Variants in RFTN1 observed in about 807,000 individuals in gnomAD.
RFTN1 encodes the protein raftlin.
In RFTN1, 26 loss-of-function variants were observed where a neutral mutation model predicts 46.5. The observed-to-expected ratio is 0.56, with a 90% CI of 0.41 to 0.78. The LOEUF (loss-of-function observed/expected upper bound fraction) is 0.78, where lower values mean the gene tolerates loss of function less well. Ranked by LOEUF, RFTN1 falls within the 30% of genes least tolerant of loss-of-function variation. The pLI, the probability that RFTN1 is intolerant of heterozygous loss-of-function variation, is 0.00. For synonymous variants in RFTN1, 261 were observed against 284.2 expected (o/e 0.92, Z 0.82); for missense variants, 693 against 718.7 (o/e 0.96, Z 0.41).
chr3:16,325,147 G>A (rs1204839198), intron 8 of RFTN1, among the ~76,000 whole-genome samples: 1 of 152,214 alleles, frequency 6.6e-6, no homozygotes, highest in Admixed American at 6.5e-5. Context: ...CCTATTTTGT[G>A]TAGCGGCTAG....
At chr3:16,401,482 T>C (rs2074600643) in intron 4 of RFTN1, among the ~76,000 whole-genome samples, 1 of 152,012 alleles carries the variant, frequency 6.6e-6, no homozygotes. Context: ...TGGCATCCAG[T>C]GGCCAAACCC....
Position 16,410,615 on chromosome 3 carries a change from A to G in RFTN1, c.333-1132T>C, listed in dbSNP as rs1170129073. On this transcript the variant is annotated intron_variant, in intron 3 of 9. Coordinates refer to ENST00000334133, the MANE Select transcript of RFTN1 (RefSeq NM_015150.2). This position sits in a 1 kb window ranked among gnomAD's most constrained non-coding sequence, Gnocchi z 4.6. ...AAGATGCATTAAAGAAAGACTACTGAGCAACTAAAAGAAATTCTGGGAAAA... is the reference window on the plus strand; with the variant it reads ...AAGATGCATTAAAGAAAGACTACTGGGCAACTAAAAGAAATTCTGGGAAAA... Among the ~76,000 whole-genome samples the G allele has an allele frequency of 6.6e-6, 1 of 152,200 alleles. No homozygotes were observed. Among genetic ancestry groups the G allele is most frequent in the Non-Finnish European group, 1.5e-5 (1 of 68,024 alleles).
intron 2 of RFTN1, among the ~76,000 whole-genome samples, chr3:16,461,737 T>C (rs192016771): frequency 2.0e-5 from 3 of 152,348 alleles, no homozygotes; most frequent in Non-Finnish European, 4.4e-5. Context: ...ATTACTTCAA[T>C]TCATTCAGAT....
chr3:16,468,064 A>T lies in RFTN1; in HGVS notation c.145+25661T>A, dbSNP rs1327906438. ...GTCTGCCAGACTCAAAGACTGGAAC[A>T]TTCAGGAAGTGCTTACTCAAAACAT... On this transcript the variant is annotated intron_variant, in intron 2 of 9. Coordinates refer to ENST00000334133, the MANE Select transcript of RFTN1 (RefSeq NM_015150.2). This position sits in a 1 kb window ranked among gnomAD's most constrained non-coding sequence, Gnocchi z 4.4. 6.6e-6 allele frequency among the ~76,000 whole-genome samples: 1 copy of T among 152,184 alleles called. No individual in the cohort carries two copies. Among genetic ancestry groups the T allele is most frequent in the East Asian group, 1.9e-4 (1 of 5,192 alleles).
chr3:16,439,382 TTGTAATAGTTGCCTGA>T, intron 2 of RFTN1, among the ~76,000 whole-genome samples: 1 of 152,336 alleles, frequency 6.6e-6, no homozygotes, highest in African/African-American at 2.4e-5. Flanking sequence ...CTATTTTGTT[TTGTAATAGTTGCCTGA>T]TTTCATTTAC....
At chr3:16,398,756 G>A (rs1007528058) in intron 4 of RFTN1, among the ~76,000 whole-genome samples, 1 of 152,086 alleles carries the variant, frequency 6.6e-6, no homozygotes. Context: ...ACATCCCCTG[G>A]GTGGCTGGAA....
rs1256998347 is a variant in RFTN1 at position 16,459,122 on chromosome 3, G to T, written c.146-25085C>A. Among the ~76,000 whole-genome samples the T allele has an allele frequency of 1.3e-5, 2 of 152,066 alleles. No homozygotes were observed. The highest frequency in any genetic ancestry group is 6.5e-5 in the Admixed American group (1 of 15,274). On this transcript the variant is annotated intron_variant, in intron 2 of 9. Coordinates refer to ENST00000334133, the MANE Select transcript of RFTN1 (RefSeq NM_015150.2). The surrounding 1 kb of genome is among the most constrained non-coding windows in gnomAD (Gnocchi z 4.2). ...AATTTTTTGTATTTTTTGTAGAGAT[G>T]AGGTTTCGCTGTTGCTCAGGCTAGT...
At position 16,493,745 on chromosome 3, in the gene RFTN1, T is replaced by TA. The variant is rs1205150927; in HGVS notation, c.124_125insT (p.Glu42ValfsTer23). On this transcript the variant is annotated frameshift_variant, in exon 2 of 10. Coordinates refer to ENST00000334133, the MANE Select transcript of RFTN1 (RefSeq NM_015150.2). LOFTEE classifies it high-confidence loss of function. ...CTCACCAGCACTCAGAGTCGTGAACTCCAGGAAGCGGTATTCATAGGACAC... is the reference window on the plus strand; with the variant it reads ...CTCACCAGCACTCAGAGTCGTGAACTACCAGGAAGCGGTATTCATAGGACAC... 3 of 1,482,822 alleles carry TA rather than the reference T, an allele frequency of 2.0e-6. No homozygotes were observed. The highest frequency in any genetic ancestry group is 2.7e-6 in the Non-Finnish European group (3 of 1,098,624). 91.9% of individuals were successfully genotyped at this position (1,482,822 alleles called of 1,614,324 possible). A position where few individuals can be genotyped will look rare whatever the true frequency, so the allele number is the denominator to read the frequency against.
intron 2 of RFTN1, among the ~76,000 whole-genome samples, chr3:16,438,238 T>C (rs943674601): frequency 6.6e-6 from 1 of 152,176 alleles, no homozygotes; most frequent in African/African-American, 2.4e-5. Flanking sequence ...TACATTTGTT[T>C]CCTCTTATGC....
At chr3:16,490,830 G>C (rs756619460) in intron 2 of RFTN1, among the ~76,000 whole-genome samples, 1 of 152,118 alleles carries the variant, frequency 6.6e-6, no homozygotes, top group Non-Finnish European at 1.5e-5. Context: ...CATACTTTCC[G>C]AGCATAGGCA....
chr3:16,447,764 C>A lies in RFTN1; in HGVS notation c.146-13727G>T. 6.6e-6 allele frequency among the ~76,000 whole-genome samples: 1 copy of A among 152,176 alleles called. No homozygotes were observed. The highest frequency in any genetic ancestry group is 1.9e-4 in the East Asian group (1 of 5,200). On this transcript the variant is annotated intron_variant, in intron 2 of 9. Coordinates refer to ENST00000334133, the MANE Select transcript of RFTN1 (RefSeq NM_015150.2). This position sits in a 1 kb window ranked among gnomAD's most constrained non-coding sequence, Gnocchi z 5.9. ...ATTACACCCAGAAGAAAAATACGAT[C>A]TATCCACCGTTGGCACAAGAAGGGA...
chr3:16,497,279 C>T (rs536497804), intron 1 of RFTN1, among the ~76,000 whole-genome samples: 1 of 152,162 alleles, frequency 6.6e-6, no homozygotes, highest in South Asian at 2.1e-4. Flanking sequence ...CCAACAATAA[C>T]GTGAGGATGG....
chr3:16,339,711 T>C (rs1357371267), intron 7 of RFTN1: 3 of 152,252 alleles, frequency 2.0e-5, no homozygotes, highest in Admixed American at 1.3e-4. Flanking sequence ...TTTCCACATA[T>C]TGATCATGAC....
At chr3:16,363,341 G>A (rs545296611) in intron 6 of RFTN1, among the ~76,000 whole-genome samples, 1 of 152,320 alleles carries the variant, frequency 6.6e-6, no homozygotes, top group East Asian at 1.9e-4. Flanking sequence ...TCCGTCTATG[G>A]AAAACATTCC....
At chr3:16,439,941 G>A (rs543860093) in intron 2 of RFTN1, among the ~76,000 whole-genome samples, 17 of 152,136 alleles carry the variant, frequency 1.1e-4, no homozygotes, top group East Asian at 3.9e-4. Flanking sequence ...ACAAGGAAAC[G>A]GCATGAGTTA....
chr3:16,375,496 A>G (rs1388383495), intron 5 of RFTN1, among the ~76,000 whole-genome samples: 1 of 152,098 alleles, frequency 6.6e-6, no homozygotes, highest in African/African-American at 2.4e-5. Flanking sequence ...AGAATAGGGC[A>G]CTTGGAGGGT....
intron 7 of RFTN1, among the ~76,000 whole-genome samples, chr3:16,328,441 G>T (rs1437443871): frequency 6.6e-6 from 1 of 152,232 alleles, no homozygotes; most frequent in Non-Finnish European, 1.5e-5. Flanking sequence ...AGGCAGAGGA[G>T]GAACAACCTA....
At position 16,500,317 on chromosome 3, in the gene RFTN1, A is replaced by G. The variant is rs1323580876; in HGVS notation, c.-8-6440T>C. ...AGCTTTGATTGACAGGTGTCCAGGC[A>G]TTTGTTTCTCTTTTTATATTTTGTT... is the stretch of plus-strand genomic sequence containing the variant. On this transcript the variant is annotated intron_variant, in intron 1 of 9. Coordinates refer to ENST00000334133, the MANE Select transcript of RFTN1 (RefSeq NM_015150.2). The surrounding 1 kb of genome is among the most constrained non-coding windows in gnomAD (Gnocchi z 5.9). Among the ~76,000 whole-genome samples the G allele has an allele frequency of 6.6e-6, 1 of 152,186 alleles. No individual in the cohort carries two copies. Among genetic ancestry groups the G allele is most frequent in the Non-Finnish European group, 1.5e-5 (1 of 68,042 alleles).
chr3:16,327,477 C>T lies in RFTN1; in HGVS notation c.1147-601G>A, dbSNP rs78912073. On this transcript the variant is annotated intron_variant, in intron 7 of 9. Transcript: ENST00000334133. This position sits in a 1 kb window ranked among gnomAD's most constrained non-coding sequence, Gnocchi z 4.2. ...GTCTTTCAGTTAAAAAACTCAGCCC[C>T]GGCCGGGTGCTGTGGCTCACGTCTG... Among the ~76,000 whole-genome samples the T allele has an allele frequency of 0.019, 2,908 of 152,232 alleles. 79 individuals carry two copies. Among genetic ancestry groups the T allele is most frequent in the East Asian group, 0.11 (576 of 5,176 alleles).
Sources: allele counts gnomAD v4.1 joint callset (sites outside exome capture counted in the v4.1 genomes callset), GRCh38; gene constraint gnomAD v4.1.1; non-coding constraint Gnocchi (gnomAD v3.1); transcripts MANE v1.5; gene names NCBI Gene and HGNC (gene_info 2026-07-23, HGNC 2026-07-21).